IPCEF1: variants seen among roughly 807,000 people sequenced by gnomAD.
IPCEF1 encodes the protein interactor protein for cytohesin exchange factors 1.
Under a neutral mutation model 50.9 loss-of-function variants are expected in IPCEF1, and 31 were observed. The ratio of observed to expected loss-of-function variants is 0.61; its 90% CI spans 0.46 to 0.82. The LOEUF is 0.82. Ranked by LOEUF, IPCEF1 falls within the 40% of genes least tolerant of loss-of-function variation. The probability of loss-of-function intolerance (pLI) is 0.00; values close to 1 mark genes in which losing one functional copy is unlikely to be tolerated. For synonymous variants in IPCEF1, 181 were observed against 192.0 expected, an observed-to-expected ratio of 0.94 and a Z score of 0.47; for missense variants, 458 against 514.0, an observed-to-expected ratio of 0.89 and a Z score of 1.05.
chr6:154,295,410 G>C (rs1015220728), intron 1 of IPCEF1, among the ~76,000 whole-genome samples: 1 of 152,038 alleles, frequency 6.6e-6, no homozygotes, highest in Non-Finnish European at 1.5e-5. Flanking sequence ...CATTGCTCAC[G>C]GGTGGCTGCC....
intron 5 of IPCEF1, among the ~76,000 whole-genome samples, chr6:154,243,791 C>T (rs969588670): frequency 6.6e-6 from 1 of 152,172 alleles, no homozygotes; most frequent in Non-Finnish European, 1.5e-5. Flanking sequence ...TTTCCATTTA[C>T]TCCCATGTGA....
At chr6:154,165,253 C>T (rs1357137551) in intron 11 of IPCEF1, among the ~76,000 whole-genome samples, 9 of 152,116 alleles carry the variant, frequency 5.9e-5, no homozygotes, top group South Asian at 2.1e-4. Flanking sequence ...CAGAAGGACC[C>T]GCACCCAGCA....
chr6:154,281,178 AAAATAC>A (rs1477728283), intron 2 of IPCEF1, among the ~76,000 whole-genome samples: 10 of 133,676 alleles, frequency 7.5e-5, no homozygotes, highest in African/African-American at 3.5e-4. Flanking sequence ...CGTTCCTACT[AAAATAC>A]AAAAAAAAAA....
At chr6:154,166,532 C>G (rs1409920849) in intron 11 of IPCEF1, among the ~76,000 whole-genome samples, 1 of 152,224 alleles carries the variant, frequency 6.6e-6, no homozygotes, top group Non-Finnish European at 1.5e-5. Flanking sequence ...GATTTCGTGA[C>G]AGTGTTCCTA....
intron 10 of IPCEF1, among the ~76,000 whole-genome samples, chr6:154,169,552 T>G (rs899774896): frequency 6.6e-6 from 1 of 152,204 alleles, no homozygotes; most frequent in African/African-American, 2.4e-5. Flanking sequence ...ACTACTGCCC[T>G]AGATGATTGC....
At chr6:154,345,935 G>A (rs575431468) in intron 1 of IPCEF1, among the ~76,000 whole-genome samples, 10 of 152,004 alleles carry the variant, frequency 6.6e-5, no homozygotes, top group East Asian at 5.8e-4. Flanking sequence ...GTGCTATCTC[G>A]GCTCACTGCA....
chr6:154,288,695 A>C lies in IPCEF1; in HGVS notation c.-18+1018T>G, dbSNP rs563909434. Among the ~76,000 whole-genome samples the C allele has an allele frequency of 7.9e-4, 115 of 145,490 alleles. 1 individual carries two copies. The highest frequency in any genetic ancestry group is 7.1e-3 in the South Asian group (34 of 4,786). ...AAAAAACAAAAAAAAAAAAAAAAAA[A>C]AAAAAAAAAACTGTAAAAAGAATGC... is the stretch of plus-strand genomic sequence containing the variant. On this transcript the variant is annotated intron_variant, in intron 2 of 11. Coordinates refer to ENST00000367220, the MANE Select transcript of IPCEF1 (RefSeq NM_001130700.2).
chr6:154,227,028 C>T (rs1483509209), intron 5 of IPCEF1, among the ~76,000 whole-genome samples: 1 of 151,938 alleles, frequency 6.6e-6, no homozygotes, highest in Non-Finnish European at 1.5e-5. Context: ...GAAACTCTAT[C>T]TCTACTAAAA....
At chr6:154,333,778 T>C (rs933600375) in intron 1 of IPCEF1, among the ~76,000 whole-genome samples, 8 of 147,464 alleles carry the variant, frequency 5.4e-5, no homozygotes, top group African/African-American at 2.1e-4. Context: ...TATGTATGTG[T>C]GTATATGTGT....
intron 1 of IPCEF1, among the ~76,000 whole-genome samples, chr6:154,331,423 G>GAGAGAGAAAGAAAAAGAA: frequency 7.2e-6 from 1 of 138,206 alleles, no homozygotes; most frequent in Non-Finnish European, 1.6e-5. Flanking sequence ...GAAAAAGAAA[G>GAGAGAGAAAGAAAAAGAA]AGAGAGAGAG....
intron 1 of IPCEF1, among the ~76,000 whole-genome samples, chr6:154,312,015 C>T (rs189008371): frequency 0.021 from 3,196 of 152,286 alleles, 59 homozygotes; most frequent in Non-Finnish European, 0.032. Flanking sequence ...TATACCCCCA[C>T]ATTCATAGCA....
chr6:154,189,725 T>C (rs1456713629), intron 10 of IPCEF1, among the ~76,000 whole-genome samples: 4 of 151,918 alleles, frequency 2.6e-5, no homozygotes, highest in Admixed American at 2.6e-4. Flanking sequence ...TCCCAGCACT[T>C]TGGGAGGCCG....
At chr6:154,328,465 C>A (rs1783577363) in intron 1 of IPCEF1, among the ~76,000 whole-genome samples, 1 of 152,046 alleles carries the variant, frequency 6.6e-6, no homozygotes, top group Non-Finnish European at 1.5e-5. Flanking sequence ...GGAGGCCAGG[C>A]ATAGTGGCTC....
intron 1 of IPCEF1, among the ~76,000 whole-genome samples, chr6:154,296,807 C>A (rs950741955): frequency 2.1e-5 from 3 of 140,914 alleles, no homozygotes; most frequent in Non-Finnish European, 3.0e-5. Flanking sequence ...CCAGCCTGGG[C>A]GACAGAGAGA....
intron 2 of IPCEF1, among the ~76,000 whole-genome samples, chr6:154,266,398 T>C (rs1781754295): frequency 6.6e-6 from 1 of 151,916 alleles, no homozygotes; most frequent in African/African-American, 2.4e-5. Context: ...AAAAAATTTT[T>C]TTTAATGAAT....
chr6:154,167,135 A>C (rs1172665110), intron 11 of IPCEF1, among the ~76,000 whole-genome samples: 3 of 152,228 alleles, frequency 2.0e-5, no homozygotes, highest in African/African-American at 2.4e-5. Flanking sequence ...CAGACAAAAC[A>C]AAATTCACTT....
intron 3 of IPCEF1, among the ~76,000 whole-genome samples, chr6:154,259,984 C>A (rs1358527352): frequency 6.6e-6 from 1 of 152,176 alleles, no homozygotes; most frequent in Non-Finnish European, 1.5e-5. Flanking sequence ...CTCACTTCCA[C>A]TCCCTGCAGT....
intron 5 of IPCEF1, among the ~76,000 whole-genome samples, chr6:154,245,119 C>T (rs1218170312): frequency 8.6e-5 from 13 of 152,012 alleles, no homozygotes; most frequent in Non-Finnish European, 1.6e-4. Flanking sequence ...ACCCAGGTTG[C>T]CTCAATTTGG....
chr6:154,290,841 A>G (rs1404457018), intron 1 of IPCEF1, among the ~76,000 whole-genome samples: 1 of 151,398 alleles, frequency 6.6e-6, no homozygotes, highest in Non-Finnish European at 1.5e-5. Flanking sequence ...GTGCACATAG[A>G]TTGAGAACTT....
Sources: gnomAD v4.1 joint callset for allele counts (sites outside exome capture counted in the v4.1 genomes callset) on GRCh38, gnomAD v4.1.1 for gene constraint, MANE v1.5 for transcripts, NCBI Gene and HGNC (gene_info 2026-07-23, HGNC 2026-07-21) for gene names.